The following CAPN10 variants were observed in gnomAD, a reference collection of about 807,000 sequenced individuals.
CAPN10 encodes the protein calpain-10.
CAPN10 carries 71 observed loss-of-function variants against 78.4 expected under a neutral mutation model. The ratio of observed to expected loss-of-function variants is 0.91; its 90% CI spans 0.75 to 1.10. The LOEUF (loss-of-function observed/expected upper bound fraction) is 1.10. Among genes scored for constraint, CAPN10 ranks in the 50% least tolerant of loss-of-function variants. The pLI is 0.00. For missense variants in CAPN10, 849 were observed against 924.6 expected (o/e 0.92, Z 1.06); for synonymous variants, 437 against 407.2 (o/e 1.07, Z -0.88).
intron 1 of CAPN10, among the ~76,000 whole-genome samples, chr2:240,588,594 G>A (rs12619657): frequency 0.13 from 19,305 of 152,140 alleles, 1,443 homozygotes; most frequent in South Asian, 0.19. Context: ...AGCCCAGTGG[G>A]TTTGATAACA....
chr2:240,594,991 T>C, intron 6 of CAPN10, 33 bp from the exon 7 acceptor site: 1 of 1,607,624 alleles, frequency 6.2e-7, no homozygotes, highest in Non-Finnish European at 8.5e-7. Flanking sequence ...AGGAGCCGTG[T>C]CCCACAGCTG....
chr2:240,598,589 G>T, intron 11 of CAPN10, 62 bp from the exon 12 acceptor site: 2 of 1,536,402 alleles, frequency 1.3e-6, no homozygotes, highest in East Asian at 2.4e-5. Context: ...GGCTGCACTC[G>T]GGGTGGGGTG....
chr2:240,586,809 G>A lies in CAPN10; in HGVS notation c.-103G>A. 8.5e-7 allele frequency: 1 copy of A among 1,178,076 alleles called. No individual in the cohort carries two copies. The highest frequency in any genetic ancestry group is 1.1e-6 in the Non-Finnish European group (1 of 920,276). 73.0% of individuals were successfully genotyped at this position (1,178,076 alleles called of 1,614,324 possible). On this transcript the variant is annotated 5_prime_UTR_variant, in exon 1 of 12. Transcript: ENST00000391984. ...GGCTTGGAGGGCTGGGCCGGGCGGG[G>A]AACGGGCGGGGCGGGCCGGAGGCGG...
rs1319866366 is a variant in CAPN10, at chr2:240,592,717, T to C, written c.688+567T>C. 2.3e-5 allele frequency: 8 copies of C among 346,940 alleles called. No individual in the cohort carries two copies. The Admixed American group carries it at 3.3e-4, about 14-fold the overall frequency. The allele number at this position is 346,940 out of a possible 1,614,324, so 21.5% of individuals were successfully genotyped here. A position where few individuals can be genotyped will look rare whatever the true frequency, so the allele number is the denominator to read the frequency against. ...TTTTGAGTGCGCTCTCAGTTTTCCA[T>C]GAGCACGCACGGTTTACGTGTTCCC... On this transcript the variant is annotated intron_variant, in intron 4 of 11. Coordinates refer to ENST00000391984, the MANE Select transcript of CAPN10 (RefSeq NM_023083.4).
Position 240,592,020 on chromosome 2 carries a change from C to T in CAPN10, c.558C>T (p.Asn186=). ...DLTGGLAERW[N]LKGVAGSGGQ... The stretch of plus-strand genomic sequence containing the variant: ...CCGGCGGCCTGGCAGAAAGATGGAA[C>T]CTGAAGGGCGTAGCAGGAAGCGGAG... The change falls in exon 4 of 12, where the codon AAC becomes AAT. Residue 186 remains asparagine (N), a synonymous_variant. Coordinates refer to ENST00000391984, the MANE Select transcript of CAPN10 (RefSeq NM_023083.4). 2 of 1,613,258 alleles carry T rather than the reference C, an allele frequency of 1.2e-6. No individual in the cohort carries two copies. The highest frequency in any genetic ancestry group is 1.6e-4 in the Middle Eastern group (1 of 6,062).
Position 240,596,877 on chromosome 2 carries a change from A to G in CAPN10, c.1678A>G (p.Thr560Ala), listed in dbSNP as rs377105313. 65 of 1,613,072 alleles carry G rather than the reference A, an allele frequency of 4.0e-5. No individual in the cohort carries two copies. The East Asian group carries it at 9.6e-4, about 24-fold the overall frequency. Reference sequence around the variant, plus strand: ...CCCTGGCCCCCGCTGCGTCCGCATCACTCTGCATCAGCACTGCCGGCCCAG... The same window carrying G: ...CCCTGGCCCCCGCTGCGTCCGCATCGCTCTGCATCAGCACTGCCGGCCCAG... ...EGPGPRCVRITLHQHCRPSDT... is the reference protein window; with the variant it reads ...EGPGPRCVRIALHQHCRPSDT... The change falls in exon 9 of 12, where the codon ACT becomes GCT. Residue 560 changes from threonine (T) to alanine (A), a missense_variant. Transcript: ENST00000391984.
rs1376007047 is a variant in CAPN10 at position 240,594,996 on chromosome 2, C to T, written c.998-28C>T. 3.7e-6 allele frequency: 6 copies of T among 1,609,866 alleles called. No homozygotes were observed. The Admixed American group carries it at 6.7e-5, about 18-fold the overall frequency. On this transcript the variant is annotated intron_variant, in intron 6 of 11. Transcript: ENST00000391984. Reference sequence around the variant, plus strand: ...GAGGCCAGCGAGGAGCCGTGTCCCACAGCTGATGCCTGGTGTTTTCTCACT... The same window carrying T: ...GAGGCCAGCGAGGAGCCGTGTCCCATAGCTGATGCCTGGTGTTTTCTCACT...
In CAPN10 at chr2:240,594,682, G is replaced by T. The variant is rs746599972; in HGVS notation, c.970G>T (p.Ala324Ser). The T allele has an allele frequency of 6.2e-7, 1 of 1,613,548 alleles. No homozygotes were observed. The highest frequency in any genetic ancestry group is 8.5e-7 in the Non-Finnish European group (1 of 1,179,980). Reference sequence around the variant, plus strand: ...CACCGTTGGCTACCCGGTCACGGAGGCCGGCCACCTGCAGAGCCTCTACAC... The same window carrying T: ...CACCGTTGGCTACCCGGTCACGGAGTCCGGCCACCTGCAGAGCCTCTACAC... ...ELTVGYPVTE[A>S]GHLQSLYTER... Residue 324 changes from alanine to serine, a missense_variant, in exon 6 of 12, where the codon GCC (alanine) becomes TCC (serine). Physicochemically the swap from Ala to Ser is moderately conservative, Grantham distance 99 (BLOSUM62 1). Transcript: ENST00000391984.
chr2:240,592,820 A>T (rs2093111100), intron 4 of CAPN10: 1 of 195,770 alleles, frequency 5.1e-6, no homozygotes, highest in Non-Finnish European at 1.1e-5. Context: ...CAGTCTCTTA[A>T]TCATTCCCCT....
At chr2:240,592,595 G>T in intron 4 of CAPN10, 2 of 439,372 alleles carry the variant, frequency 4.6e-6, no homozygotes, top group South Asian at 3.3e-5. Flanking sequence ...TATCGCTGGA[G>T]CCCAGGAGTT....
At chr2:240,591,324 T>C (rs1440141176) in intron 3 of CAPN10, 2 of 341,044 alleles carry the variant, frequency 5.9e-6, no homozygotes, top group Non-Finnish European at 1.1e-5. Flanking sequence ...TCTTTATATT[T>C]GTTGTGGAGT....
In CAPN10 at chr2:240,598,335, C is replaced by T. The variant is rs757825561; in HGVS notation, c.1944-17C>T. On this transcript the variant is annotated splice_polypyrimidine_tract_variant and intron_variant, in intron 10 of 11. Transcript: ENST00000391984. ...ACAAGTGCAGTCTGGGAGCGCTGAT[C>T]TGGTGTCTCTCCACAGGCCATCCAT... is the stretch of plus-strand genomic sequence containing the variant. 2.5e-6 allele frequency: 4 copies of T among 1,613,536 alleles called. No individual in the cohort carries two copies. In the African/African-American group the frequency reaches 4.0e-5, roughly 16 times the overall value.
At chr2:240,594,500 C>A in intron 5 of CAPN10, 43 bp from the exon 6 acceptor site, 2 of 1,580,986 alleles carry the variant, frequency 1.3e-6, no homozygotes, top group Non-Finnish European at 1.7e-6. Context: ...TTGACACTAC[C>A]AGTTCTCGGG....
At chr2:240,594,153 C>A in intron 5 of CAPN10, 106 bp downstream of exon 5, 1 of 1,206,676 alleles carries the variant, frequency 8.3e-7, no homozygotes. Context: ...TTGGCTGTCT[C>A]CAGCAAGGCC....
At chr2:240,593,048 G>A (rs528394261) in intron 4 of CAPN10, among the ~76,000 whole-genome samples, 7 of 152,360 alleles carry the variant, frequency 4.6e-5, no homozygotes, top group African/African-American at 1.7e-4. Context: ...GGTTCAGAGA[G>A]CCTGGAGGGC....
At chr2:240,589,066 G>A (rs1423731931) in intron 1 of CAPN10, among the ~76,000 whole-genome samples, 1 of 152,160 alleles carries the variant, frequency 6.6e-6, no homozygotes, top group African/African-American at 2.4e-5. Context: ...GAAACTTTTC[G>A]AAGCCAACAT....
rs529052517 is a variant in CAPN10 at position 240,597,804 on chromosome 2, C to T, written c.1744-84C>T. ...AGGGGCTGTATGTGACTCAAGAGGGCCAAGGGCATCCGAGCAGATGGCCCT... is the reference window on the plus strand; with the variant it reads ...AGGGGCTGTATGTGACTCAAGAGGGTCAAGGGCATCCGAGCAGATGGCCCT... On this transcript the variant is annotated intron_variant, in intron 9 of 11. Coordinates refer to ENST00000391984, the MANE Select transcript of CAPN10 (RefSeq NM_023083.4). 6 of 1,253,520 alleles carry T rather than the reference C, an allele frequency of 4.8e-6. No individual in the cohort carries two copies. The South Asian group carries it at 7.0e-5, about 15-fold the overall frequency. The allele number at this position is 1,253,520 out of a possible 1,614,324, so 77.6% of individuals were successfully genotyped here. A position where few individuals can be genotyped will look rare whatever the true frequency, so the allele number is the denominator to read the frequency against.
chr2:240,592,465 GT>G (rs1559424569), intron 4 of CAPN10: 1 of 607,524 alleles, frequency 1.6e-6, no homozygotes, highest in Non-Finnish European at 3.2e-6. Flanking sequence ...ATCAAAACCT[GT>G]TTTTTATTTT....
chr2:240,598,257 C>T (rs2093150290), intron 10 of CAPN10, 95 bp from the exon 11 acceptor site: 1 of 1,495,006 alleles, frequency 6.7e-7, no homozygotes, highest in Non-Finnish European at 9.3e-7. Flanking sequence ...TGGTCTGAGC[C>T]TGGAAGGAGA....
Sources: allele counts gnomAD v4.1 joint callset (sites outside exome capture counted in the v4.1 genomes callset), GRCh38; gene constraint gnomAD v4.1.1; transcripts MANE v1.5; gene names NCBI Gene and HGNC (gene_info 2026-07-23, HGNC 2026-07-21).